PDE8A: variants seen among roughly 807,000 people sequenced by gnomAD.
PDE8A encodes phosphodiesterase 8A.
In PDE8A, 59 loss-of-function variants were observed where a neutral mutation model predicts 105.0. The ratio of observed to expected loss-of-function variants is 0.56; its 90% CI spans 0.46 to 0.70. The LOEUF (loss-of-function observed/expected upper bound fraction) is 0.70. PDE8A is among the 30% of genes least tolerant of loss of function. PDE8A has a pLI of 0.00. For missense variants in PDE8A, 1,014 were observed against 1,045.9 expected (o/e 0.97, Z 0.42); for synonymous variants, 355 against 371.9 (o/e 0.95, Z 0.52).
chr15:85,138,050 A>G lies in PDE8A; in HGVS notation c.*147A>G. 3.5e-6 allele frequency: 2 copies of G among 574,344 alleles called. No homozygotes were observed. The highest frequency in any genetic ancestry group is 2.3e-5 in the South Asian group (1 of 43,812). The allele number at this position is 574,344 out of a possible 1,614,324, so 35.6% of individuals were successfully genotyped here. The stretch of plus-strand genomic sequence containing the variant: ...GTGAAAGCCCACGGGGACATCAGTA[A>G]CCTTCTGCAGCCACCATCCAATGCC... On this transcript the variant is annotated 3_prime_UTR_variant, in exon 22 of 22. Coordinates refer to ENST00000394553, the MANE Select transcript of PDE8A (RefSeq NM_002605.3).
intron 6 of PDE8A, among the ~76,000 whole-genome samples, chr15:85,084,284 G>A (rs906761299): frequency 6.6e-5 from 10 of 152,256 alleles, no homozygotes; most frequent in African/African-American, 2.4e-4. Flanking sequence ...ACAGTCAAAG[G>A]GGATCGGAAT....
At chr15:85,051,194 G>C (rs776070760) in intron 1 of PDE8A, among the ~76,000 whole-genome samples, 27 of 152,106 alleles carry the variant, frequency 1.8e-4, no homozygotes, top group Non-Finnish European at 3.2e-4. Context: ...AGTTCTAACA[G>C]GCTTTTGTGT....
At position 85,116,137 on chromosome 15, in the gene PDE8A, T is replaced by C. The variant is rs1313827655; in HGVS notation, c.1535+18T>C. On this transcript the variant is annotated intron_variant, in intron 16 of 21. Coordinates refer to ENST00000394553, the MANE Select transcript of PDE8A (RefSeq NM_002605.3). The stretch of plus-strand genomic sequence containing the variant: ...CACAATAGGTGAGTTCATGCAGAGC[T>C]CAGCAGCGGGAGAACTAGATTCCCA... 2 of 1,613,234 alleles carry C rather than the reference T, an allele frequency of 1.2e-6. No homozygotes were observed. Among genetic ancestry groups the C allele is most frequent in the Non-Finnish European group, 1.7e-6 (2 of 1,179,508 alleles).
intron 13 of PDE8A, 74 bp from the exon 14 acceptor site, chr15:85,113,799 C>A: frequency 8.7e-7 from 1 of 1,154,748 alleles, no homozygotes; most frequent in Non-Finnish European, 1.3e-6. Context: ...GAATTACAGA[C>A]ACGTACTGCC....
intron 20 of PDE8A, among the ~76,000 whole-genome samples, chr15:85,134,675 A>G (rs1408732653): frequency 6.6e-6 from 1 of 152,224 alleles, no homozygotes; most frequent in Non-Finnish European, 1.5e-5. Context: ...CAGCACCGTC[A>G]ACACTTACCT....
chr15:85,068,254 G>C (rs1280136820), intron 3 of PDE8A, among the ~76,000 whole-genome samples: 1 of 151,990 alleles, frequency 6.6e-6, no homozygotes, highest in Admixed American at 6.6e-5. Flanking sequence ...TGGCCAGGCT[G>C]GTCTTGAACT....
intron 20 of PDE8A, among the ~76,000 whole-genome samples, chr15:85,132,264 G>C (rs1000119788): frequency 2.0e-5 from 3 of 152,082 alleles, no homozygotes; most frequent in African/African-American, 7.2e-5. Flanking sequence ...TGTGCCTGTT[G>C]GCTATTATTT....
At chr15:85,078,822 A>G (rs915572480) in intron 5 of PDE8A, among the ~76,000 whole-genome samples, 6 of 152,206 alleles carry the variant, frequency 3.9e-5, no homozygotes, top group Non-Finnish European at 7.3e-5. Flanking sequence ...TTACTGTATG[A>G]AACAATAATA....
intron 19 of PDE8A, among the ~76,000 whole-genome samples, chr15:85,125,994 T>C (rs1878897306): frequency 6.6e-6 from 1 of 152,176 alleles, no homozygotes; most frequent in South Asian, 2.1e-4. Context: ...CCTCCACTTC[T>C]AGGTCCTGTT....
At chr15:85,035,968 A>G (rs2080699845) in intron 1 of PDE8A, among the ~76,000 whole-genome samples, 2 of 152,238 alleles carry the variant, frequency 1.3e-5, no homozygotes, top group South Asian at 4.1e-4. Context: ...AGCAGTTGCT[A>G]ATGCCACCTT....
intron 3 of PDE8A, among the ~76,000 whole-genome samples, chr15:85,071,777 T>C (rs896619216): frequency 3.3e-5 from 5 of 152,116 alleles, no homozygotes; most frequent in African/African-American, 1.2e-4. Flanking sequence ...TAGATGCGAA[T>C]TGCATTCAGG....
At chr15:85,041,138 CT>C (rs1238846933) in intron 1 of PDE8A, among the ~76,000 whole-genome samples, 5 of 152,128 alleles carry the variant, frequency 3.3e-5, no homozygotes, top group African/African-American at 1.2e-4. Context: ...TAATTGGTTC[CT>C]GAACATCAGA....
chr15:85,080,255 C>G (rs971636361), intron 5 of PDE8A, among the ~76,000 whole-genome samples: 1 of 152,158 alleles, frequency 6.6e-6, no homozygotes, highest in African/African-American at 2.4e-5. Context: ...CCACAACATA[C>G]ATACACATCA....
chr15:85,055,795 T>G (rs1311607853), intron 1 of PDE8A, among the ~76,000 whole-genome samples: 3 of 152,190 alleles, frequency 2.0e-5, no homozygotes, highest in Non-Finnish European at 4.4e-5. Context: ...ATTGGAGCAT[T>G]TAGCCCATTT....
At chr15:85,041,268 A>AG (rs1310444894) in intron 1 of PDE8A, among the ~76,000 whole-genome samples, 1 of 152,278 alleles carries the variant, frequency 6.6e-6, no homozygotes, top group Admixed American at 6.5e-5. Context: ...ACTGAAACTT[A>AG]GTAAAGTAGT....
At position 85,138,854 on chromosome 15, in the gene PDE8A, A is replaced by G. The variant is rs2082457071; in HGVS notation, c.*951A>G. 6.6e-6 allele frequency: 1 copy of G among 152,242 alleles called. No homozygotes were observed. Among genetic ancestry groups the G allele is most frequent in the African/African-American group, 2.4e-5 (1 of 41,462 alleles). 9.4% of individuals were successfully genotyped at this position (152,242 alleles called of 1,614,324 possible). On this transcript the variant is annotated 3_prime_UTR_variant, in exon 22 of 22. Coordinates refer to ENST00000394553, the MANE Select transcript of PDE8A (RefSeq NM_002605.3). ...AAAATTTTATAATTCAATTTCCAAA[A>G]GTCTACTCTATTTTATACTGTTTCT...
intron 1 of PDE8A, among the ~76,000 whole-genome samples, chr15:84,994,372 C>T (rs1338474302): frequency 6.6e-6 from 1 of 152,050 alleles, no homozygotes; most frequent in Non-Finnish European, 1.5e-5. Context: ...GTACAAAATC[C>T]CTAAGTGTAC....
At chr15:85,044,505 G>A (rs988887086) in intron 1 of PDE8A, among the ~76,000 whole-genome samples, 2 of 152,160 alleles carry the variant, frequency 1.3e-5, no homozygotes, top group Non-Finnish European at 1.5e-5. Flanking sequence ...CACATCAGTT[G>A]CTACTAAGAT....
chr15:85,093,915 G>A (rs943858729), intron 8 of PDE8A, among the ~76,000 whole-genome samples: 2 of 151,534 alleles, frequency 1.3e-5, no homozygotes, highest in Admixed American at 6.6e-5. Context: ...GCTGGAGTGC[G>A]GTGGCACGAT....
Sources: gnomAD v4.1 joint callset for allele counts (sites outside exome capture counted in the v4.1 genomes callset) on GRCh38, gnomAD v4.1.1 for gene constraint, MANE v1.5 for transcripts, NCBI Gene and HGNC (gene_info 2026-07-23, HGNC 2026-07-21) for gene names.